The following TUBE1 variants were observed in gnomAD, a reference collection of about 807,000 sequenced individuals.
The protein encoded by TUBE1 is tubulin epsilon chain.
In TUBE1, 34 loss-of-function variants were observed where a neutral mutation model predicts 53.5. The ratio of observed to expected loss-of-function variants is 0.64; its 90% CI spans 0.48 to 0.85. TUBE1 has a LOEUF of 0.85. Among genes scored for constraint, TUBE1 ranks in the 40% least tolerant of loss-of-function variants. The pLI is 0.00. For synonymous variants in TUBE1, 177 were observed against 198.4 expected, an observed-to-expected ratio of 0.89 and a Z score of 0.91; for missense variants, 532 against 570.5, an observed-to-expected ratio of 0.93 and a Z score of 0.69.
In TUBE1 at chr6:112,087,419, C is replaced by G; in HGVS notation, c.16G>C (p.Val6Leu). MTQSV[V>L]VQVGQCGNQI... ...GCCCGGCGTAGCTTACCCTGTACGA[C>G]CACCGACTGGGTCATGGTGGTGCGC... The change falls in exon 1 of 12, where the codon GTC becomes CTC. Residue 6 changes from valine to leucine, a missense_variant. By Grantham distance (32) the Val-to-Leu change is conservative. Transcript: ENST00000368662. The G allele has an allele frequency of 6.4e-7, 1 of 1,551,426 alleles. No individual in the cohort carries two copies. The highest frequency in any genetic ancestry group is 2.4e-5 in the East Asian group (1 of 40,908).
intron 4 of TUBE1, chr6:112,083,909 C>A (rs587673913): frequency 2.8e-6 from 1 of 356,520 alleles, no homozygotes; most frequent in Non-Finnish European, 5.1e-6. Context: ...TGTACTAGTA[C>A]GTATTTCAGG....
At chr6:112,075,572 C>T (rs1347960348) in intron 8 of TUBE1, 1 of 161,360 alleles carries the variant, frequency 6.2e-6, no homozygotes, top group Non-Finnish European at 1.3e-5. Context: ...TCTCTGATAC[C>T]AAAAAGCCAC....
chr6:112,081,833 G>T (rs587754959), intron 4 of TUBE1, among the ~76,000 whole-genome samples: 1 of 150,946 alleles, frequency 6.6e-6, no homozygotes, highest in East Asian at 1.9e-4. Flanking sequence ...AAAGATGAAG[G>T]ACATCTAGTA....
At chr6:112,076,165 T>C (rs917637944) in intron 7 of TUBE1, 53 bp from the exon 8 acceptor site, 2 of 1,511,896 alleles carry the variant, frequency 1.3e-6, no homozygotes, top group Non-Finnish European at 1.8e-6. Context: ...TGGATGTAGA[T>C]GATATTCTAC....
chr6:112,075,700 C>G (rs1488263493), intron 8 of TUBE1: 1 of 333,518 alleles, frequency 3.0e-6, no homozygotes, highest in African/African-American at 2.1e-5. Context: ...GTGTCAACCA[C>G]AAAATCTTTT....
chr6:112,079,651 T>C lies in TUBE1; in HGVS notation c.430A>G (p.Ile144Val), dbSNP rs1245381403. 4 of 1,612,264 alleles carry C rather than the reference T, an allele frequency of 2.5e-6. No individual in the cohort carries two copies. The highest frequency in any genetic ancestry group is 3.4e-6 in the Non-Finnish European group (4 of 1,179,146). ...HCDCLQCFFIIHSMGGGTGSG... is the reference protein window; with the variant it reads ...HCDCLQCFFIVHSMGGGTGSG... ...ATTTTACCTCCTCCCATGGAATGTATTATAAAGAAACACTGCAAGCAATCA... is the reference window on the plus strand; with the variant it reads ...ATTTTACCTCCTCCCATGGAATGTACTATAAAGAAACACTGCAAGCAATCA... The change falls in exon 6 of 12, where the codon ATA becomes GTA. Residue 144 changes from isoleucine (I) to valine (V), a missense_variant. Coordinates refer to ENST00000368662, the MANE Select transcript of TUBE1 (RefSeq NM_016262.5).
At chr6:112,081,047 C>A in intron 5 of TUBE1, 45 bp downstream of exon 5, 1 of 1,214,694 alleles carries the variant, frequency 8.2e-7, no homozygotes, top group South Asian at 1.3e-5. Context: ...AAAGATTGCT[C>A]ATTTTTTTCA....
At chr6:112,083,558 T>C (rs1583598313) in intron 4 of TUBE1, among the ~76,000 whole-genome samples, 2 of 152,154 alleles carry the variant, frequency 1.3e-5, no homozygotes, top group East Asian at 3.9e-4. Flanking sequence ...GACCTTGTGA[T>C]CTGCCCGCTT....
chr6:112,073,322 A>AC (rs1776901679), intron 9 of TUBE1, among the ~76,000 whole-genome samples: 1 of 152,204 alleles, frequency 6.6e-6, no homozygotes, highest in Non-Finnish European at 1.5e-5. Flanking sequence ...TGTAAAGTAT[A>AC]TTATATCATA....
chr6:112,084,944 G>A (rs1777125284), intron 3 of TUBE1, among the ~76,000 whole-genome samples: 2 of 152,102 alleles, frequency 1.3e-5, no homozygotes, highest in African/African-American at 2.4e-5. Context: ...ATATATGAAG[G>A]GTAGCCAATC....
At chr6:112,074,595 TCA>T in intron 9 of TUBE1, 113 bp downstream of exon 9, 1 of 705,482 alleles carries the variant, frequency 1.4e-6, no homozygotes, top group South Asian at 5.3e-5. Context: ...TCATCAACTC[TCA>T]CAGATAAGAT....
Position 112,076,249 on chromosome 6 carries a change from T to C in TUBE1, c.636+73A>G, listed in dbSNP as rs1263805283. The C allele has an allele frequency of 3.4e-6, 5 of 1,473,796 alleles. No individual in the cohort carries two copies. The Admixed American group carries it at 1.1e-4, about 33-fold the overall frequency. 91.3% of individuals were successfully genotyped at this position (1,473,796 alleles called of 1,614,324 possible). ...GCTGAAAAGTGAAGAGAACGTTTCA[T>C]ATAAACACACATACATAATACAGGA... On this transcript the variant is annotated intron_variant, in intron 7 of 11. Transcript: ENST00000368662.
At chr6:112,086,452 A>C in intron 3 of TUBE1, 104 bp downstream of exon 3, 2 of 723,588 alleles carry the variant, frequency 2.8e-6, no homozygotes, top group Non-Finnish European at 4.4e-6. Context: ...AAACAAAAAA[A>C]CACAACTTCG....
At chr6:112,083,834 GTTT>G (rs1159602158) in intron 4 of TUBE1, 1 of 184,874 alleles carries the variant, frequency 5.4e-6, no homozygotes, top group Admixed American at 5.9e-5. Context: ...CTGGTTCCAT[GTTT>G]TTTATTGGTA....
intron 3 of TUBE1, 50 bp downstream of exon 3, chr6:112,086,506 C>T (rs375529082): frequency 1.4e-6 from 2 of 1,395,818 alleles, no homozygotes; most frequent in African/African-American, 1.4e-5. Context: ...CTCTCCCAAG[C>T]TACTGAAACT....
At chr6:112,085,830 C>T (rs145597100) in intron 3 of TUBE1, 90 of 390,840 alleles carry the variant, frequency 2.3e-4, no homozygotes, top group Non-Finnish European at 4.0e-4. Flanking sequence ...GAACCCATCT[C>T]GAGATGCCAA....
chr6:112,086,762 A>G (rs1439155887), intron 2 of TUBE1, 154 bp from the exon 3 acceptor site: 4 of 592,120 alleles, frequency 6.8e-6, no homozygotes, highest in Non-Finnish European at 1.2e-5. Flanking sequence ...ACTCTTCCCA[A>G]TCTCCTTAGA....
chr6:112,080,787 T>C (rs782257573), intron 5 of TUBE1, among the ~76,000 whole-genome samples: 1 of 152,118 alleles, frequency 6.6e-6, no homozygotes, highest in Non-Finnish European at 1.5e-5. Flanking sequence ...GTGAGTCAAA[T>C]AACATAGATA....
At chr6:112,085,692 C>T (rs868963940) in intron 3 of TUBE1, 1 of 471,714 alleles carries the variant, frequency 2.1e-6, no homozygotes, top group Non-Finnish European at 4.4e-6. Context: ...GGTCTGATTC[C>T]ATGGTCACCA....
Sources: gnomAD v4.1 joint callset for allele counts (sites outside exome capture counted in the v4.1 genomes callset) on GRCh38, gnomAD v4.1.1 for gene constraint, MANE v1.5 for transcripts, NCBI Gene and HGNC (gene_info 2026-07-23, HGNC 2026-07-21) for gene names.